AKR1B15: variants seen among roughly 807,000 people sequenced by gnomAD.
The protein encoded by AKR1B15 is aldo-keto reductase family 1 member B15.
Under a neutral mutation model 38.5 loss-of-function variants are expected in AKR1B15, and 49 were observed. The ratio of observed to expected loss-of-function variants is 1.27; its 90% confidence interval spans 1.01 to 1.62. The LOEUF (loss-of-function observed/expected upper bound fraction) is 1.62, where lower values mean the gene tolerates loss of function less well. AKR1B15 is among the 40% of genes most tolerant of loss of function. AKR1B15 has a pLI of 0.00. For missense variants in AKR1B15, 411 were observed against 381.6 expected (o/e 1.08, Z -0.64); for synonymous variants, 137 against 135.5 (o/e 1.01, Z -0.08).
At chr7:134,564,531 CCATCTTG>C (rs1488327163) in intron 2 of AKR1B15, 60 bp from the exon 3 acceptor site, 1 of 574,618 alleles carries the variant, frequency 1.7e-6, no homozygotes, top group African/African-American at 1.9e-5. Context: ...CCCATGAAAG[CCATCTTG>C]CTATTACTCA....
At chr7:134,560,622 A>C (rs945087313) in intron 2 of AKR1B15, among the ~76,000 whole-genome samples, 1 of 152,186 alleles carries the variant, frequency 6.6e-6, no homozygotes, top group Non-Finnish European at 1.5e-5. Flanking sequence ...AATAATACAC[A>C]TTTCTTTATT....
intron 6 of AKR1B15, among the ~76,000 whole-genome samples, chr7:134,575,079 A>C (rs1283151842): frequency 6.6e-6 from 1 of 152,142 alleles, no homozygotes; most frequent in Non-Finnish European, 1.5e-5. Context: ...AAGCTTACAA[A>C]TGTTGATTTT....
intron 6 of AKR1B15, among the ~76,000 whole-genome samples, chr7:134,572,721 TTGAAAA>T (rs1794691922): frequency 6.6e-6 from 1 of 152,202 alleles, no homozygotes. Flanking sequence ...TCATTTCATA[TTGAAAA>T]TGAATTAAGG....
At chr7:134,579,481 C>T (rs74848811) in intron 11 of AKR1B15, 26 bp from the exon 12 acceptor site, 17,539 of 1,336,188 alleles carry the variant, frequency 0.013, 127 homozygotes, top group Non-Finnish European at 0.016. Flanking sequence ...AACACAGTTT[C>T]TTTTTTTTTT....
chr7:134,577,853 G>C lies in AKR1B15; in HGVS notation c.992+67G>C, dbSNP rs981418040. The C allele has an allele frequency of 1.2e-5, 18 of 1,541,536 alleles. No individual in the cohort carries two copies. In the Admixed American group the frequency reaches 2.6e-4, roughly 22 times the overall value. On this transcript the variant is annotated intron_variant, in intron 11 of 11. Transcript: ENST00000457545. ...TTCTAAACTGGTAGAGGGTTAGTTGGAAGGATTAGAAGGTTGTTGGGACTA... is the reference window on the plus strand; with the variant it reads ...TTCTAAACTGGTAGAGGGTTAGTTGCAAGGATTAGAAGGTTGTTGGGACTA...
At chr7:134,575,566 TA>T in intron 7 of AKR1B15, 24 bp downstream of exon 7, 1 of 1,613,372 alleles carries the variant, frequency 6.2e-7, no homozygotes, top group Non-Finnish European at 8.5e-7. Flanking sequence ...AGTTTAAGGG[TA>T]AGGGTCCTGC....
At chr7:134,559,347 T>C in intron 2 of AKR1B15, among the ~76,000 whole-genome samples, 1 of 152,100 alleles carries the variant, frequency 6.6e-6, no homozygotes, top group East Asian at 1.9e-4. Flanking sequence ...GGTGGACTAA[T>C]AAGTACAAAG....
intron 3 of AKR1B15, chr7:134,565,082 T>C (rs1368047761): frequency 3.3e-6 from 1 of 301,638 alleles, no homozygotes; most frequent in Non-Finnish European, 6.2e-6. Flanking sequence ...AATAATGGAA[T>C]AAAAGCTGGC....
At chr7:134,569,591 C>T (rs1409753678) in intron 5 of AKR1B15, 62 bp downstream of exon 5, 8 of 1,560,132 alleles carry the variant, frequency 5.1e-6, no homozygotes, top group South Asian at 3.4e-5. Flanking sequence ...TCAGGGACCC[C>T]CAACAGAGAG....
intron 3 of AKR1B15, chr7:134,565,066 T>C (rs940213910): frequency 3.0e-5 from 9 of 303,990 alleles, no homozygotes; most frequent in Admixed American, 1.8e-4. Context: ...CTGCAGGATG[T>C]GGGCAAATAA....
rs570272982 is a variant in AKR1B15 at position 134,579,655 on chromosome 7, G to A, written c.*106G>A. 315 of 1,077,918 alleles carry A rather than the reference G, an allele frequency of 2.9e-4. No homozygotes were observed. The highest frequency in any genetic ancestry group is 3.6e-4 in the Non-Finnish European group (269 of 755,608). 66.8% of individuals were successfully genotyped at this position (1,077,918 alleles called of 1,614,324 possible). A position where few individuals can be genotyped will look rare whatever the true frequency, so the allele number is the denominator to read the frequency against. On this transcript the variant is annotated 3_prime_UTR_variant, in exon 12 of 12. Transcript: ENST00000457545. ...AGCCAAGCTTATCTGAGATCACAGT[G>A]AACTTTGTCCTGTTGTAGACCAGAA...
At chr7:134,556,270 C>A (rs567278725) in intron 1 of AKR1B15, among the ~76,000 whole-genome samples, 27 of 152,278 alleles carry the variant, frequency 1.8e-4, no homozygotes, top group Middle Eastern at 3.4e-3. Context: ...CAACCCAGCC[C>A]GATGTCCATT....
At chr7:134,549,819 A>G (rs930085097) in intron 1 of AKR1B15, among the ~76,000 whole-genome samples, 17 of 152,160 alleles carry the variant, frequency 1.1e-4, no homozygotes, top group Admixed American at 9.2e-4. Flanking sequence ...TCTAAATTTC[A>G]TATGTCGGAT....
intron 1 of AKR1B15, among the ~76,000 whole-genome samples, chr7:134,553,973 C>T (rs536838495): frequency 2.0e-5 from 3 of 152,304 alleles, no homozygotes; most frequent in Non-Finnish European, 2.9e-5. Flanking sequence ...AGTTGGTAAC[C>T]CTGACTCAGG....
In AKR1B15 at chr7:134,575,438, G is replaced by A. The variant is rs2117669864; in HGVS notation, c.532G>A (p.Asp178Asn). The A allele has an allele frequency of 6.2e-7, 1 of 1,613,830 alleles. No homozygotes were observed. The highest frequency in any genetic ancestry group is 8.5e-7 in the Non-Finnish European group (1 of 1,179,814). The change falls in exon 7 of 12, where the codon GAC (aspartate) becomes AAC (asparagine). Residue 178 changes from aspartate (D) to asparagine (N), a missense_variant. Coordinates refer to ENST00000457545, the MANE Select transcript of AKR1B15 (RefSeq NM_001080538.3). ...DAWEAMEELV[D>N]EGLVKALGVS... ...ATGATAGGCCATGGAGGAGCTGGTG[G>A]ACGAGGGGCTGGTGAAAGCCCTTGG...
Position 134,573,315 on chromosome 7 carries a change from G to T in AKR1B15, c.513+1634G>T, listed in dbSNP as rs193057932. The T allele has an allele frequency of 2.4e-3, 2,299 of 962,394 alleles. 4 individuals are homozygous for T. The highest frequency in any genetic ancestry group is 3.9e-3 in the South Asian group (81 of 20,822). The allele number at this position is 962,394 out of a possible 1,614,324, so 59.6% of individuals were successfully genotyped here. A position where few individuals can be genotyped will look rare whatever the true frequency, so the allele number is the denominator to read the frequency against. ...CAAAGTGTTCAGATTACAGGCGTGAGCTATAGCACCAGGCTGTTTGCATTA... is the reference window on the plus strand; with the variant it reads ...CAAAGTGTTCAGATTACAGGCGTGATCTATAGCACCAGGCTGTTTGCATTA... On this transcript the variant is annotated intron_variant, in intron 6 of 11. Coordinates refer to ENST00000457545, the MANE Select transcript of AKR1B15 (RefSeq NM_001080538.3).
intron 6 of AKR1B15, among the ~76,000 whole-genome samples, chr7:134,574,582 G>A (rs900446268): frequency 7.2e-5 from 11 of 152,206 alleles, no homozygotes; most frequent in African/African-American, 2.7e-4. Context: ...AATCCCAGAA[G>A]AAGGAAGCAC....
At chr7:134,576,259 A>G in intron 8 of AKR1B15, 90 bp from the exon 9 acceptor site, 1 of 1,353,904 alleles carries the variant, frequency 7.4e-7, no homozygotes, top group Non-Finnish European at 1.0e-6. Flanking sequence ...AGAGGCTCTG[A>G]TGATCAGTCT....
rs1307051507 is a variant in AKR1B15 at position 134,568,455 on chromosome 7, C to T, written c.318+130C>T. 59 of 1,350,260 alleles carry T rather than the reference C, an allele frequency of 4.4e-5. No homozygotes were observed. The Middle Eastern group carries it at 5.6e-4, about 13-fold the overall frequency. The allele number at this position is 1,350,260 out of a possible 1,614,324, so 83.6% of individuals were successfully genotyped here. A position where few individuals can be genotyped will look rare whatever the true frequency, so the allele number is the denominator to read the frequency against. The stretch of plus-strand genomic sequence containing the variant: ...TTTTCATCTCTGCCTTGATAACATC[C>T]GTGGATACAATACTATCCATACTCC... On this transcript the variant is annotated intron_variant, in intron 4 of 11. Coordinates refer to ENST00000457545, the MANE Select transcript of AKR1B15 (RefSeq NM_001080538.3).
Sources: allele counts gnomAD v4.1 joint callset (sites outside exome capture counted in the v4.1 genomes callset), GRCh38; gene constraint gnomAD v4.1.1; transcripts MANE v1.5; gene names NCBI Gene and HGNC (gene_info 2026-07-23, HGNC 2026-07-21).